The following AGBL4 variants were observed in gnomAD, a reference collection of about 807,000 sequenced individuals.
AGBL4 encodes cytosolic carboxypeptidase 6.
In AGBL4, 58 loss-of-function variants were observed where a neutral mutation model predicts 66.4. The observed-to-expected ratio is 0.87, with a 90% CI of 0.71 to 1.09. The LOEUF is 1.09. AGBL4 is among the 50% of genes least tolerant of loss of function. The probability of loss-of-function intolerance (pLI) is 0.00; values close to 1 mark genes in which losing one functional copy is unlikely to be tolerated. For synonymous variants in AGBL4, 234 were observed against 222.9 expected (o/e 1.05, Z -0.44); for missense variants, 579 against 631.0 (o/e 0.92, Z 0.88).
intron 5 of AGBL4, among the ~76,000 whole-genome samples, chr1:49,010,114 G>A (rs1255978503): frequency 6.6e-6 from 1 of 152,160 alleles, no homozygotes. Context: ...CGACATGATT[G>A]TATATCTAGA....
At chr1:49,383,222 C>G (rs1253171471) in intron 3 of AGBL4, among the ~76,000 whole-genome samples, 1 of 152,126 alleles carries the variant, frequency 6.6e-6, no homozygotes, top group African/African-American at 2.4e-5. Context: ...AAGTGACCTA[C>G]AGATTTATCT....
chr1:49,985,982 T>C (rs1324485293), intron 1 of AGBL4, among the ~76,000 whole-genome samples: 1 of 152,142 alleles, frequency 6.6e-6, no homozygotes, highest in African/African-American at 2.4e-5. Flanking sequence ...AACGCTTTAA[T>C]TATATCCTAC....
rs140918456 is a variant in AGBL4, at chr1:49,749,922, A to G, written c.158-52485T>C. ...TTTTAGTGAAAACTGTTATAAATGT[A>G]GTAATCAAGACAGTTTGGTATTTCA... On this transcript the variant is annotated intron_variant, in intron 2 of 13. Transcript: ENST00000371839. 4.2e-4 allele frequency among the ~76,000 whole-genome samples: 64 copies of G among 152,330 alleles called. 2 individuals are homozygous for G. The East Asian group carries it at 9.6e-3, about 23-fold the overall frequency.
chr1:49,244,919 T>C (rs753582417), intron 4 of AGBL4, among the ~76,000 whole-genome samples: 2 of 151,740 alleles, frequency 1.3e-5, no homozygotes, highest in Non-Finnish European at 1.5e-5. Context: ...GCTGAATGAA[T>C]AAATGAATGA....
At chr1:49,498,201 A>C (rs1416072019) in intron 3 of AGBL4, among the ~76,000 whole-genome samples, 1 of 151,960 alleles carries the variant, frequency 6.6e-6, no homozygotes, top group Non-Finnish European at 1.5e-5. Flanking sequence ...GAAACTACTG[A>C]TAATTGCATA....
intron 11 of AGBL4, among the ~76,000 whole-genome samples, chr1:48,571,899 A>T (rs915328345): frequency 3.9e-5 from 6 of 152,094 alleles, no homozygotes; most frequent in African/African-American, 1.4e-4. Context: ...GCCCCTCATC[A>T]GACACTCAAA....
intron 3 of AGBL4, among the ~76,000 whole-genome samples, chr1:49,561,991 A>T (rs865877054): frequency 2.6e-5 from 4 of 152,066 alleles, no homozygotes; most frequent in Middle Eastern, 3.4e-3. Context: ...CTTTTTAATG[A>T]CTGCCATTCT....
chr1:49,027,588 T>A (rs1663823208), intron 5 of AGBL4, among the ~76,000 whole-genome samples: 1 of 152,094 alleles, frequency 6.6e-6, no homozygotes, highest in South Asian at 2.1e-4. Context: ...CCATCAAGAA[T>A]ATTAGTTCCC....
intron 6 of AGBL4, among the ~76,000 whole-genome samples, chr1:48,820,424 G>A (rs1646284921): frequency 6.6e-6 from 1 of 152,110 alleles, no homozygotes. Flanking sequence ...ATTTTTGGAT[G>A]AGTTTAACAC....
At chr1:49,785,262 C>G (rs1415413316) in intron 2 of AGBL4, among the ~76,000 whole-genome samples, 26 of 151,838 alleles carry the variant, frequency 1.7e-4, no homozygotes, top group Non-Finnish European at 1.5e-5. Context: ...ATATCTATCC[C>G]ACAGCAAGGT....
intron 6 of AGBL4, among the ~76,000 whole-genome samples, chr1:48,801,898 C>A (rs1432175534): frequency 8.2e-6 from 1 of 121,618 alleles, no homozygotes; most frequent in East Asian, 2.5e-4. Flanking sequence ...TCTGGCCTTG[C>A]CTCCATAATA....
At chr1:49,621,008 G>A (rs999870367) in intron 3 of AGBL4, among the ~76,000 whole-genome samples, 4 of 152,048 alleles carry the variant, frequency 2.6e-5, no homozygotes, top group African/African-American at 7.2e-5. Context: ...TACAAAGCTA[G>A]TGCTCTAGCA....
intron 8 of AGBL4, among the ~76,000 whole-genome samples, chr1:48,644,664 A>G (rs929234994): frequency 1.1e-4 from 16 of 152,230 alleles, no homozygotes; most frequent in African/African-American, 2.9e-4. Flanking sequence ...GAAAGAGCCC[A>G]GGAAGGCAAG....
intron 2 of AGBL4, among the ~76,000 whole-genome samples, chr1:49,814,574 TC>T (rs11326672): frequency 0.08 from 12,221 of 152,174 alleles, 690 homozygotes; most frequent in African/African-American, 0.17. Flanking sequence ...CTTGATTCAC[TC>T]CCAGGTATTA....
At chr1:48,902,668 AT>A (rs991141945) in intron 5 of AGBL4, among the ~76,000 whole-genome samples, 1 of 152,058 alleles carries the variant, frequency 6.6e-6, no homozygotes, top group African/African-American at 2.4e-5. Context: ...TCCCCTCCAT[AT>A]CCCCATTATC....
At chr1:48,649,589 A>T (rs1372739364) in intron 8 of AGBL4, among the ~76,000 whole-genome samples, 1 of 152,200 alleles carries the variant, frequency 6.6e-6, no homozygotes. Context: ...CTTTAACATA[A>T]AGAGCTTGAT....
chr1:49,164,142 G>A (rs1002879615), intron 4 of AGBL4, among the ~76,000 whole-genome samples: 9 of 152,116 alleles, frequency 5.9e-5, no homozygotes, highest in Non-Finnish European at 1.2e-4. Context: ...AATAGTTCCA[G>A]CAATATATAA....
At chr1:49,865,948 A>T (rs1366683688) in intron 1 of AGBL4, 1 of 405,146 alleles carries the variant, frequency 2.5e-6, no homozygotes, top group East Asian at 7.4e-5. Context: ...ACAACATGAG[A>T]ATATAATTTT....
At chr1:49,782,534 TC>T (rs1644361084) in intron 2 of AGBL4, among the ~76,000 whole-genome samples, 1 of 152,178 alleles carries the variant, frequency 6.6e-6, no homozygotes, top group Non-Finnish European at 1.5e-5. Flanking sequence ...GGAGGTAGCA[TC>T]TTTAAGAAGT....
Sources: gnomAD v4.1 joint callset for allele counts (sites outside exome capture counted in the v4.1 genomes callset) on GRCh38, gnomAD v4.1.1 for gene constraint, MANE v1.5 for transcripts, NCBI Gene and HGNC (gene_info 2026-07-23, HGNC 2026-07-21) for gene names.